Variants in POLA1 observed in about 807,000 individuals in gnomAD.
POLA1 encodes DNA polymerase alpha catalytic subunit.
A neutral mutation model predicts 124.0 loss-of-function variants in POLA1; 15 were observed. The observed-to-expected ratio is 0.12, with a 90% CI of 0.08 to 0.19. The LOEUF is 0.19. Among genes scored for constraint, POLA1 ranks in the 10% least tolerant of loss-of-function variants. The pLI is 1.00. For synonymous variants in POLA1, 408 were observed against 389.4 expected (o/e 1.05, Z -0.56); for missense variants, 886 against 1,103.4 (o/e 0.80, Z 2.79).
chrX:24,875,903 G>T (rs1225210300), intron 34 of POLA1, among the ~76,000 whole-genome samples: 1 of 111,427 alleles, frequency 9.0e-6, no homozygotes, highest in Non-Finnish European at 1.9e-5. Flanking sequence ...ATTCCATCTT[G>T]CATGAGAAAG....
intron 34 of POLA1, among the ~76,000 whole-genome samples, chrX:24,885,610 C>A (rs1010128306): frequency 1.8e-5 from 2 of 110,851 alleles, no homozygotes; most frequent in African/African-American, 6.6e-5. Flanking sequence ...TCTTGGCTCA[C>A]TGCAACCTCC....
At chrX:24,804,935 C>T (rs1379817543) in intron 26 of POLA1, among the ~76,000 whole-genome samples, 1 of 111,674 alleles carries the variant, frequency 9.0e-6, no homozygotes, top group East Asian at 2.8e-4. Flanking sequence ...AACCTTGGCA[C>T]ACACAAAAAA....
At chrX:24,788,643 A>G (rs1390571569) in intron 26 of POLA1, 1 of 1,193,537 alleles carries the variant, frequency 8.4e-7, no homozygotes, top group Non-Finnish European at 1.1e-6. Flanking sequence ...ACATCTAGTA[A>G]GATGGAAGAC....
At chrX:24,912,869 G>A (rs931292790) in intron 35 of POLA1, among the ~76,000 whole-genome samples, 25 of 112,412 alleles carry the variant, frequency 2.2e-4, no homozygotes, top group Non-Finnish European at 5.6e-5. Flanking sequence ...CCAAAAGCTG[G>A]CGCAGATGCA....
At position 24,841,690 on chromosome X, in the gene POLA1, A is replaced by G; in HGVS notation, c.3775A>G (p.Lys1259Glu). Residue 1259 changes from lysine to glutamate, a missense_variant, in exon 33 of 37, where the codon AAA becomes GAA. Physicochemically the swap from Lys to Glu is moderately conservative, Grantham distance 56. Around this residue, in one of 7 missense-constraint regions of POLA1, gnomAD observed 313 missense variants for 359.7 expected, o/e 0.87. Coordinates refer to ENST00000379068, the MANE Select transcript of POLA1 (RefSeq NM_001330360.2). ...CCAATTTAGAGTTCATCATTATCAT[A>G]AAGATGAAGAGAATGATGCTCTACT... ...PTQFRVHHYHKDEENDALLGG... is the reference protein window; with the variant it reads ...PTQFRVHHYHEDEENDALLGG... The G allele has an allele frequency of 1.7e-6, 2 of 1,187,962 alleles. No individual in the cohort carries two copies. Among genetic ancestry groups the G allele is most frequent in the Non-Finnish European group, 2.3e-6 (2 of 880,152 alleles).
At chrX:24,749,627 A>G (rs1331257168) in intron 26 of POLA1, among the ~76,000 whole-genome samples, 1 of 111,469 alleles carries the variant, frequency 9.0e-6, no homozygotes, top group Non-Finnish European at 1.9e-5. Flanking sequence ...GATGGAGGAA[A>G]CTGGGAAAGA....
At chrX:24,939,645 C>G (rs907181040) in intron 36 of POLA1, among the ~76,000 whole-genome samples, 2 of 111,525 alleles carry the variant, frequency 1.8e-5, no homozygotes, top group Non-Finnish European at 3.8e-5. Flanking sequence ...TTAGTCATAA[C>G]TTTAGTTTAG....
intron 20 of POLA1, among the ~76,000 whole-genome samples, chrX:24,740,334 A>G (rs1931553976): frequency 1.8e-5 from 2 of 111,515 alleles, no homozygotes; most frequent in Admixed American, 9.5e-5. Flanking sequence ...TATCTTCTAA[A>G]TAGATCTAAG....
chrX:24,968,651 G>A (rs748039872), intron 36 of POLA1, among the ~76,000 whole-genome samples: 3 of 105,213 alleles, frequency 2.9e-5, no homozygotes, highest in African/African-American at 1.0e-4. Context: ...TGCAGTGAGC[G>A]GAGATTGGGC....
chrX:24,841,805 T>C lies in POLA1; in HGVS notation c.3890T>C (p.Ile1297Thr), dbSNP rs1466425058. The C allele has an allele frequency of 2.2e-5, 26 of 1,197,905 alleles. No homozygotes were observed. The highest frequency in any genetic ancestry group is 2.8e-5 in the Non-Finnish European group (25 of 886,290). The change falls in exon 33 of 37, where the codon ATT becomes ACT. Residue 1297 changes from isoleucine (I) to threonine (T), a missense_variant. Coordinates refer to ENST00000379068, the MANE Select transcript of POLA1 (RefSeq NM_001330360.2). ...TGCCCTACATGTGGAACTGAGAATA[T>C]TTATGATAATGTCTTTGATGGTTCG... ...CPCPTCGTENIYDNVFDGSGT... is the reference protein window; with the variant it reads ...CPCPTCGTENTYDNVFDGSGT...
chrX:24,996,685 G>A lies in POLA1; in HGVS notation c.*735G>A, dbSNP rs2048611327. 8.9e-6 allele frequency: 1 copy of A among 112,586 alleles called. No homozygotes were observed. Among genetic ancestry groups the A allele is most frequent in the African/African-American group, 3.2e-5 (1 of 30,880 alleles). 9.3% of individuals were successfully genotyped at this position (112,586 alleles called of 1,213,427 possible). A position where few individuals can be genotyped will look rare whatever the true frequency, so the allele number is the denominator to read the frequency against. ...ATACTCTAACAATCCATTAACATGT[G>A]TAGGGGTTACGGTGAGGATCACTGT... On this transcript the variant is annotated 3_prime_UTR_variant, in exon 37 of 37. Transcript: ENST00000379068.
At chrX:24,831,051 T>C (rs1260770646) in intron 32 of POLA1, among the ~76,000 whole-genome samples, 1 of 111,894 alleles carries the variant, frequency 8.9e-6, no homozygotes, top group African/African-American at 3.2e-5. Flanking sequence ...CAGAACACAC[T>C]TAACCCAGTG....
intron 10 of POLA1, among the ~76,000 whole-genome samples, chrX:24,719,925 T>A (rs11573330): frequency 0.01 from 1,106 of 110,487 alleles, 13 homozygotes; most frequent in African/African-American, 0.035. Flanking sequence ...ATTGATCTCT[T>A]AGCTATCGTC....
chrX:24,883,404 C>G (rs2047028004), intron 34 of POLA1, among the ~76,000 whole-genome samples: 1 of 112,085 alleles, frequency 8.9e-6, no homozygotes, highest in Non-Finnish European at 1.9e-5. Context: ...TCTACAAATA[C>G]AAATGTACAC....
chrX:24,963,786 A>G (rs866487844), intron 36 of POLA1, among the ~76,000 whole-genome samples: 2 of 111,779 alleles, frequency 1.8e-5, no homozygotes, highest in Admixed American at 1.9e-4. Flanking sequence ...AAGGCAACAT[A>G]TACTATGTCA....
intron 21 of POLA1, 26 bp downstream of exon 21, chrX:24,741,530 A>G (rs1931657407): frequency 8.5e-7 from 1 of 1,177,866 alleles, no homozygotes; most frequent in African/African-American, 1.7e-5. Flanking sequence ...AAAGGGGGAA[A>G]AAGCATTTCC....
intron 36 of POLA1, among the ~76,000 whole-genome samples, chrX:24,939,423 G>C (rs758184067): frequency 4.5e-5 from 5 of 111,595 alleles, no homozygotes; most frequent in Non-Finnish European, 9.4e-5. Context: ...CACAGTAGAT[G>C]GTTTTATTTC....
intron 35 of POLA1, among the ~76,000 whole-genome samples, chrX:24,923,811 C>G (rs2147202491): frequency 9.0e-6 from 1 of 111,097 alleles, no homozygotes; most frequent in East Asian, 2.8e-4. Flanking sequence ...TTTTTTTTCA[C>G]CCTCTGTTGT....
At chrX:24,888,153 T>C (rs775397402) in intron 35 of POLA1, 31 bp downstream of exon 35, 2 of 916,499 alleles carry the variant, frequency 2.2e-6, no homozygotes, top group South Asian at 3.9e-5. Flanking sequence ...AAGAACCATG[T>C]AGAAGAGGGT....
Sources: allele counts gnomAD v4.1 joint callset (sites outside exome capture counted in the v4.1 genomes callset), GRCh38; gene constraint gnomAD v4.1.1; regional missense constraint gnomAD v4.1.1; transcripts MANE v1.5; gene names NCBI Gene and HGNC (gene_info 2026-07-23, HGNC 2026-07-21).